Variants in PDE4D observed in about 807,000 individuals in gnomAD.
PDE4D encodes the protein 3',5'-cyclic-AMP phosphodiesterase 4D.
In PDE4D, 24 loss-of-function variants were observed where a neutral mutation model predicts 87.4. That is an observed-to-expected ratio of 0.27 (90% CI 0.20 to 0.39). The LOEUF (loss-of-function observed/expected upper bound fraction) is 0.39, where lower values mean the gene tolerates loss of function less well. Among genes scored for constraint, PDE4D ranks in the 10% least tolerant of loss-of-function variants. The pLI is 1.00. For synonymous variants in PDE4D, 384 were observed against 383.2 expected, an observed-to-expected ratio of 1.00 and a Z score of -0.02; for missense variants, 714 against 1,041.0, an observed-to-expected ratio of 0.69 and a Z score of 4.32.
At chr5:59,409,501 A>G (rs1434653822) in intron 1 of PDE4D, among the ~76,000 whole-genome samples, 4 of 152,144 alleles carry the variant, frequency 2.6e-5, no homozygotes, top group Non-Finnish European at 4.4e-5. Flanking sequence ...TCATGTGGGC[A>G]GATCCCTTAT....
At chr5:59,440,099 T>C (rs574878085) in intron 1 of PDE4D, among the ~76,000 whole-genome samples, 4 of 152,226 alleles carry the variant, frequency 2.6e-5, no homozygotes, top group Admixed American at 6.5e-5. Context: ...TTTTCGGTCA[T>C]GATTCATTCC....
chr5:60,120,249 T>C (rs1778557009), intron 2 of PDE4D, among the ~76,000 whole-genome samples: 1 of 152,210 alleles, frequency 6.6e-6, no homozygotes, highest in Non-Finnish European at 1.5e-5. Flanking sequence ...GAGCTTACTG[T>C]ACTTTGTGAA....
intron 12 of PDE4D, 139 bp downstream of exon 12, chr5:58,977,052 G>T: frequency 1.4e-6 from 1 of 713,504 alleles, no homozygotes; most frequent in Non-Finnish European, 2.3e-6. Flanking sequence ...CCAGCATCAC[G>T]GGCAGCTTCT....
At chr5:58,991,734 A>G (rs1747972964) in intron 8 of PDE4D, 98 bp downstream of exon 8, 2 of 796,212 alleles carry the variant, frequency 2.5e-6, no homozygotes, top group Middle Eastern at 2.5e-4. Flanking sequence ...AAAAACCCCA[A>G]TTAATAAACT....
intron 5 of PDE4D, among the ~76,000 whole-genome samples, chr5:59,066,478 C>T (rs1763954497): frequency 6.6e-6 from 1 of 152,098 alleles, no homozygotes; most frequent in African/African-American, 2.4e-5. Context: ...GCCTGCCCAC[C>T]ATTTGTTACA....
rs1755830652 is a variant in PDE4D at position 60,318,204 on chromosome 5, C to G, written c.-89-132517G>C. ...GCATATATATTTAGGATAGTTAGCT[C>G]TTCCTGTTGAATTGATCCCTTTACC... On this transcript the variant is annotated intron_variant, in intron 1 of 16. Transcript: ENST00000502484. 3.3e-5 allele frequency among the ~76,000 whole-genome samples: 5 copies of G among 152,306 alleles called. No homozygotes were observed. In the South Asian group the frequency reaches 1.0e-3, roughly 32 times the overall value.
intron 2 of PDE4D, among the ~76,000 whole-genome samples, chr5:60,091,927 T>G (rs2149311493): frequency 6.6e-6 from 1 of 150,974 alleles, no homozygotes; most frequent in East Asian, 2.0e-4. Context: ...GGCGCGTGCC[T>G]GTAGTCCCAG....
chr5:59,403,752 T>G (rs1374111091), intron 1 of PDE4D, among the ~76,000 whole-genome samples: 1 of 152,234 alleles, frequency 6.6e-6, no homozygotes, highest in Non-Finnish European at 1.5e-5. Flanking sequence ...CTACTGTGAA[T>G]AGTGCTACAA....
At chr5:59,743,025 AG>A (rs1190754201) in intron 1 of PDE4D, among the ~76,000 whole-genome samples, 1 of 152,216 alleles carries the variant, frequency 6.6e-6, no homozygotes, top group Admixed American at 6.5e-5. Context: ...TTACACCAGT[AG>A]GTGTGCCAAA....
chr5:59,308,232 G>C (rs536024304), intron 1 of PDE4D, among the ~76,000 whole-genome samples: 1 of 151,210 alleles, frequency 6.6e-6, no homozygotes, highest in African/African-American at 2.4e-5. Context: ...GAAGGGGGAG[G>C]GATAGCATTA....
chr5:59,117,520 A>G (rs370183809), intron 5 of PDE4D, among the ~76,000 whole-genome samples: 1 of 152,146 alleles, frequency 6.6e-6, no homozygotes, highest in African/African-American at 2.4e-5. Flanking sequence ...TTTCTTATCT[A>G]TAAGTCCCAA....
intron 1 of PDE4D, among the ~76,000 whole-genome samples, chr5:59,689,302 A>C (rs1441917572): frequency 6.6e-6 from 1 of 152,234 alleles, no homozygotes; most frequent in Non-Finnish European, 1.5e-5. Context: ...CCTGATGAAC[A>C]TTGATGCAAA....
intron 1 of PDE4D, among the ~76,000 whole-genome samples, chr5:60,210,567 C>T (rs1420315509): frequency 6.6e-6 from 1 of 152,016 alleles, no homozygotes; most frequent in African/African-American, 2.4e-5. Flanking sequence ...ATAGTAAAGG[C>T]TTTCCCAAAA....
chr5:60,374,590 G>A (rs1761289080), intron 1 of PDE4D, among the ~76,000 whole-genome samples: 1 of 152,120 alleles, frequency 6.6e-6, no homozygotes, highest in Non-Finnish European at 1.5e-5. Flanking sequence ...TTGCTCCAGG[G>A]AAGGTCATCT....
Position 59,276,027 on chromosome 5 carries a change from A to G in PDE4D, c.456-60059T>C, listed in dbSNP as rs185519649. The G allele has an allele frequency of 5.1e-6, 5 of 984,516 alleles. No homozygotes were observed. The African/African-American group carries it at 5.3e-5, about 10-fold the overall frequency. 61.0% of individuals were successfully genotyped at this position (984,516 alleles called of 1,614,324 possible). On this transcript the variant is annotated intron_variant, in intron 1 of 14. Coordinates refer to ENST00000340635, the MANE Select transcript of PDE4D (RefSeq NM_001104631.2). ...AGAATCCAGGGTTTTGTGAATGAGA[A>G]CTATCATTCAATCTCACCAGGCAGA...
chr5:59,649,932 T>TTTTTTTTTTTTTTTTTTTGAG, intron 1 of PDE4D, among the ~76,000 whole-genome samples: 1 of 141,836 alleles, frequency 7.1e-6, no homozygotes, highest in South Asian at 2.3e-4. Flanking sequence ...TTTTTTTTTT[T>TTTTTTTTTTTTTTTTTTTGAG]AGCAATGACC....
chr5:60,477,326 T>A (rs1748406952), intron 1 of PDE4D, among the ~76,000 whole-genome samples: 1 of 152,208 alleles, frequency 6.6e-6, no homozygotes, highest in African/African-American at 2.4e-5. Flanking sequence ...AAACTCAATT[T>A]GCTTTAAAAA....
At chr5:60,416,203 C>T (rs533160656) in intron 1 of PDE4D, among the ~76,000 whole-genome samples, 1 of 152,206 alleles carries the variant, frequency 6.6e-6, no homozygotes, top group South Asian at 2.1e-4. Context: ...CAAAACAGAC[C>T]AATCAGCTCT....
chr5:59,686,425 A>T (rs1749871675), intron 1 of PDE4D, among the ~76,000 whole-genome samples: 4 of 152,166 alleles, frequency 2.6e-5, no homozygotes, highest in African/African-American at 9.6e-5. Context: ...AAGTTTTCAC[A>T]GGCTCTCAGA....
Sources: gnomAD v4.1 joint callset for allele counts (sites outside exome capture counted in the v4.1 genomes callset) on GRCh38, gnomAD v4.1.1 for gene constraint, MANE v1.5 for transcripts, NCBI Gene and HGNC (gene_info 2026-07-23, HGNC 2026-07-21) for gene names.